Variants in CEP128 observed in about 807,000 individuals in gnomAD.
CEP128 encodes centrosomal protein 128, also known as centrosomal protein 128kDa.
A neutral mutation model predicts 156.7 loss-of-function variants in CEP128; 132 were observed. That is an observed-to-expected ratio of 0.84 (90% CI 0.73 to 0.97). The LOEUF (loss-of-function observed/expected upper bound fraction) is 0.97. CEP128 is among the 50% of genes least tolerant of loss of function. The pLI is 0.00. For synonymous variants in CEP128, 469 were observed against 448.9 expected (o/e 1.04, Z -0.57); for missense variants, 1,252 against 1,281.9 (o/e 0.98, Z 0.36).
At chr14:80,613,238 C>G (rs1403949962) in intron 19 of CEP128, among the ~76,000 whole-genome samples, 2 of 150,390 alleles carry the variant, frequency 1.3e-5, no homozygotes, top group Non-Finnish European at 3.0e-5. Context: ...ATTTAAATCA[C>G]TAGGACAAAT....
chr14:80,752,352 T>C (rs1203251935), intron 18 of CEP128, among the ~76,000 whole-genome samples: 1 of 152,170 alleles, frequency 6.6e-6, no homozygotes, highest in Non-Finnish European at 1.5e-5. Flanking sequence ...AACCTAAAAA[T>C]ATGTAATTTT....
At chr14:80,755,449 A>G (rs1899606414) in intron 18 of CEP128, among the ~76,000 whole-genome samples, 1 of 152,234 alleles carries the variant, frequency 6.6e-6, no homozygotes, top group African/African-American at 2.4e-5. Context: ...ACCTGTAAGT[A>G]TAGTCCAACT....
intron 19 of CEP128, among the ~76,000 whole-genome samples, chr14:80,653,858 A>G (rs1042178032): frequency 6.6e-6 from 1 of 152,204 alleles, no homozygotes; most frequent in Non-Finnish European, 1.5e-5. Context: ...TCATTTTGTA[A>G]TGAAACAGAA....
chr14:80,655,322 T>C (rs1595160216), intron 19 of CEP128, among the ~76,000 whole-genome samples: 2 of 152,286 alleles, frequency 1.3e-5, no homozygotes, highest in Admixed American at 1.3e-4. Context: ...AAAATATAAA[T>C]TTGCTATTGT....
intron 2 of CEP128, chr14:80,955,982 C>T: frequency 9.0e-7 from 1 of 1,115,266 alleles, no homozygotes; most frequent in Non-Finnish European, 1.3e-6. Flanking sequence ...GAGTGAATGT[C>T]TGTGTGTGTA....
chr14:80,855,611 G>C (rs1439582305), intron 9 of CEP128, among the ~76,000 whole-genome samples: 1 of 152,154 alleles, frequency 6.6e-6, no homozygotes, highest in Non-Finnish European at 1.5e-5. Context: ...GGGAGGCAAA[G>C]TGAATGATCA....
chr14:80,832,132 C>A (rs1254621686), intron 12 of CEP128, among the ~76,000 whole-genome samples: 1 of 152,172 alleles, frequency 6.6e-6, no homozygotes. Context: ...GTAAGACATG[C>A]CTTTGCTTTT....
intron 9 of CEP128, among the ~76,000 whole-genome samples, chr14:80,853,971 T>TA (rs1026134796): frequency 5.5e-4 from 57 of 103,738 alleles, no homozygotes; most frequent in East Asian, 1.8e-3. Flanking sequence ...TCTCTCCTAT[T>TA]AAAAAAAAAA....
At chr14:80,844,186 T>G (rs1035584266) in intron 9 of CEP128, among the ~76,000 whole-genome samples, 1 of 151,812 alleles carries the variant, frequency 6.6e-6, no homozygotes, top group Non-Finnish European at 1.5e-5. Context: ...AAGTTTCTTT[T>G]CAAGGCAAAA....
intron 13 of CEP128, among the ~76,000 whole-genome samples, chr14:80,812,483 G>T (rs1417584609): frequency 6.6e-6 from 1 of 151,948 alleles, no homozygotes; most frequent in Admixed American, 6.6e-5. Flanking sequence ...TCTAGAAACT[G>T]CTTTCCACAG....
intron 20 of CEP128, among the ~76,000 whole-genome samples, chr14:80,571,359 GTAC>G (rs1156694734): frequency 6.6e-6 from 1 of 152,048 alleles, no homozygotes; most frequent in Non-Finnish European, 1.5e-5. Flanking sequence ...TCTCTTGTAG[GTAC>G]TATTTTCTAT....
At chr14:80,900,161 AC>A (rs1311481585) in intron 6 of CEP128, 132 bp from the exon 7 acceptor site, 4 of 576,748 alleles carry the variant, frequency 6.9e-6, no homozygotes, top group Admixed American at 6.8e-5. Flanking sequence ...ATGAAAGAAA[AC>A]ACCTACTCTG....
Position 80,480,097 on chromosome 14 carries a change from C to T in CEP128, c.*311-1690G>A, listed in dbSNP as rs866762741. On this transcript the variant is annotated intron_variant and NMD_transcript_variant, in intron 14 of 14. Coordinates refer to the CEP128 transcript ENST00000554502. ...GTTGAGTGTCTGTGGCTTTTCCAGG[C>T]ACACGGTGCAAGCTGTTGGTGAAAT... Among the ~76,000 whole-genome samples the T allele has an allele frequency of 7.9e-5, 12 of 152,244 alleles. No homozygotes were observed. The South Asian group carries it at 1.7e-3, about 21-fold the overall frequency.
At chr14:80,807,882 C>T (rs1382542700) in intron 13 of CEP128, among the ~76,000 whole-genome samples, 1 of 152,142 alleles carries the variant, frequency 6.6e-6, no homozygotes, top group Admixed American at 6.5e-5. Flanking sequence ...CCCTGTGTCC[C>T]CCAGAAGGCT....
At chr14:80,862,118 T>C (rs1221669975) in intron 9 of CEP128, among the ~76,000 whole-genome samples, 1 of 152,246 alleles carries the variant, frequency 6.6e-6, no homozygotes, top group Admixed American at 6.5e-5. Context: ...CCATTTTAAA[T>C]TGGTTTGATA....
chr14:80,841,022 T>G (rs746525654), intron 9 of CEP128, among the ~76,000 whole-genome samples: 17 of 152,146 alleles, frequency 1.1e-4, no homozygotes, highest in Non-Finnish European at 1.9e-4. Flanking sequence ...TTAGAGGGCC[T>G]AGATAGCTAA....
At chr14:80,577,790 C>T (rs55637033) in intron 20 of CEP128, among the ~76,000 whole-genome samples, 1 of 152,184 alleles carries the variant, frequency 6.6e-6, no homozygotes, top group Non-Finnish European at 1.5e-5. Flanking sequence ...CAAACTCCTC[C>T]ACGAGGTCCT....
intron 21 of CEP128, among the ~76,000 whole-genome samples, chr14:80,536,037 A>G (rs866645800): frequency 4.6e-5 from 7 of 152,330 alleles, no homozygotes; most frequent in South Asian, 2.1e-4. Context: ...CCATTCTGAA[A>G]TCTGCAACAA....
At chr14:80,849,849 AC>A (rs1247317167) in intron 9 of CEP128, among the ~76,000 whole-genome samples, 1 of 152,110 alleles carries the variant, frequency 6.6e-6, no homozygotes. Flanking sequence ...ACCACCAAAA[AC>A]AAGAAAATAA....
Sources: allele counts gnomAD v4.1 joint callset (sites outside exome capture counted in the v4.1 genomes callset), GRCh38; gene constraint gnomAD v4.1.1; transcripts MANE v1.5; gene names NCBI Gene and HGNC (gene_info 2026-07-23, HGNC 2026-07-21).